Variants in VPS13B observed in about 807,000 individuals in gnomAD.
VPS13B encodes intermembrane lipid transfer protein VPS13B.
In VPS13B, 285 loss-of-function variants were observed where a neutral mutation model predicts 426.4. The observed-to-expected ratio is 0.67, with a 90% CI of 0.61 to 0.74. The LOEUF (loss-of-function observed/expected upper bound fraction) is 0.74. VPS13B is among the 30% of genes least tolerant of loss of function. The pLI is 0.00. For synonymous variants in VPS13B, 1,676 were observed against 1,676.4 expected (o/e 1.00, Z 0.01); for missense variants, 4,537 against 4,782.6 (o/e 0.95, Z 1.51).
At chr8:99,847,530 G>A (rs1816045668) in intron 54 of VPS13B, among the ~76,000 whole-genome samples, 1 of 152,166 alleles carries the variant, frequency 6.6e-6, no homozygotes, top group Admixed American at 6.5e-5. Flanking sequence ...TAGGCGTGGT[G>A]AGTAGTGAGT....
chr8:99,360,976 TC>T (rs1313719445), intron 19 of VPS13B, among the ~76,000 whole-genome samples: 1 of 152,204 alleles, frequency 6.6e-6, no homozygotes, highest in Non-Finnish European at 1.5e-5. Context: ...TCCGTTCTTT[TC>T]TGTTCTCTTT....
chr8:99,303,120 A>C (rs1820452792), intron 19 of VPS13B, among the ~76,000 whole-genome samples: 1 of 151,896 alleles, frequency 6.6e-6, no homozygotes, highest in Non-Finnish European at 1.5e-5. Flanking sequence ...CTCTACTAAA[A>C]ATACACAAAA....
At position 99,749,089 on chromosome 8, in the gene VPS13B, ATTTATTT is replaced by A. The variant is rs547089869; in HGVS notation, c.7051-17682_7051-17676del. ...TTTGAAATTCCGAGTAGTTAGAAAA[ATTTATTT>A]TTAATTTTTTGGGTACATAGTAGAT... On this transcript the variant is annotated intron_variant, in intron 39 of 61. Transcript: ENST00000357162. 1.7e-3 allele frequency among the ~76,000 whole-genome samples: 261 copies of A among 152,050 alleles called. 1 individual carries two copies. The highest frequency in any genetic ancestry group is 6.1e-3 in the African/African-American group (255 of 41,508).
intron 19 of VPS13B, among the ~76,000 whole-genome samples, chr8:99,306,370 G>A (rs181770633): frequency 2.2e-4 from 33 of 152,050 alleles, no homozygotes; most frequent in African/African-American, 7.7e-4. Flanking sequence ...ATATTTTAGG[G>A]GTATTTGACT....
intron 17 of VPS13B, chr8:99,233,329 T>G: frequency 9.3e-7 from 1 of 1,078,260 alleles, no homozygotes; most frequent in East Asian, 2.4e-5. Context: ...CAGCTTCACT[T>G]CTTCTTTGGG....
At chr8:99,214,282 A>C (rs985435141) in intron 17 of VPS13B, among the ~76,000 whole-genome samples, 3 of 152,216 alleles carry the variant, frequency 2.0e-5, no homozygotes, top group Admixed American at 6.5e-5. Flanking sequence ...TAGTTGCCAC[A>C]AACATATTGT....
At chr8:99,029,964 A>G (rs1842427978) in intron 2 of VPS13B, among the ~76,000 whole-genome samples, 1 of 152,144 alleles carries the variant, frequency 6.6e-6, no homozygotes, top group African/African-American at 2.4e-5. Flanking sequence ...TTTGACTATA[A>G]TGTATCCTGA....
chr8:99,617,325 T>C (rs2133886063), intron 33 of VPS13B, among the ~76,000 whole-genome samples: 1 of 152,230 alleles, frequency 6.6e-6, no homozygotes, highest in African/African-American at 2.4e-5. Context: ...TTTTTTTGTT[T>C]GTTTGTATTT....
chr8:99,433,339 C>T (rs1398158670), intron 22 of VPS13B, among the ~76,000 whole-genome samples: 1 of 152,180 alleles, frequency 6.6e-6, no homozygotes, highest in Non-Finnish European at 1.5e-5. Flanking sequence ...ATTTTGGTTA[C>T]TGTCCTTTTG....
In VPS13B at chr8:99,630,178, A is replaced by T. The variant is rs570869685; in HGVS notation, c.5221-11633A>T. Among the ~76,000 whole-genome samples the T allele has an allele frequency of 1.1e-4, 17 of 152,210 alleles. No individual in the cohort carries two copies. The East Asian group carries it at 1.7e-3, about 16-fold the overall frequency. On this transcript the variant is annotated intron_variant, in intron 33 of 61. Coordinates refer to ENST00000357162, the MANE Select transcript of VPS13B (RefSeq NM_152564.5). ...TCACTGCTTTGAAGACAGGCCTAAA[A>T]TGAGGAGTGCAAGTCTCTTAACCTG...
In VPS13B at chr8:99,530,365, A is replaced by G. The variant is rs556723567; in HGVS notation, c.4745+9355A>G. Among the ~76,000 whole-genome samples, 308 of 152,312 alleles carry G rather than the reference A, an allele frequency of 2.0e-3. 2 individuals are homozygous for G. Among genetic ancestry groups the G allele is most frequent in the Middle Eastern group, 0.014 (4 of 294 alleles). On this transcript the variant is annotated intron_variant, in intron 30 of 61. Coordinates refer to ENST00000357162, the MANE Select transcript of VPS13B (RefSeq NM_152564.5). Reference sequence around the variant, plus strand: ...TGCGGTGGCTGATGCCTGTAATCCCAGCACTTTGGGAGGCCAAGGTGGGCG... The same window carrying G: ...TGCGGTGGCTGATGCCTGTAATCCCGGCACTTTGGGAGGCCAAGGTGGGCG...
At chr8:99,862,831 T>C (rs1029020922) in intron 58 of VPS13B, among the ~76,000 whole-genome samples, 1 of 152,198 alleles carries the variant, frequency 6.6e-6, no homozygotes, top group Non-Finnish European at 1.5e-5. Context: ...GGTAAAATGG[T>C]ACAAGTTCAG....
intron 17 of VPS13B, chr8:99,233,535 G>A: frequency 8.8e-7 from 1 of 1,136,798 alleles, no homozygotes; most frequent in Non-Finnish European, 1.3e-6. Context: ...GGCCAAACTG[G>A]TGATGGGGGT....
chr8:99,315,568 G>A (rs1809596562), intron 19 of VPS13B, among the ~76,000 whole-genome samples: 3 of 149,558 alleles, frequency 2.0e-5, no homozygotes, highest in Admixed American at 2.0e-4. Context: ...TCATTTATGT[G>A]TGTTCTCTTA....
chr8:99,056,572 G>A (rs915656412), intron 3 of VPS13B, among the ~76,000 whole-genome samples: 1 of 152,250 alleles, frequency 6.6e-6, no homozygotes, highest in Non-Finnish European at 1.5e-5. Flanking sequence ...AATAGCAGTG[G>A]TGAAAATGGG....
chr8:99,788,234 T>A (rs1048709803), intron 43 of VPS13B, among the ~76,000 whole-genome samples: 4 of 150,828 alleles, frequency 2.7e-5, no homozygotes, highest in African/African-American at 9.7e-5. Context: ...AAATTAAATT[T>A]AAAAATTTAA....
chr8:99,123,122 CAAAAAAAAAAAAAAA>C, intron 8 of VPS13B, among the ~76,000 whole-genome samples: 1 of 61,434 alleles, frequency 1.6e-5, no homozygotes, highest in Admixed American at 2.3e-4. Flanking sequence ...ACTCTGTCTC[CAAAAAAAAAAAAAAA>C]AAAAAAAAGA....
Position 99,720,404 on chromosome 8 carries a change from A to T in VPS13B, c.6717A>T (p.Gly2239=). ...TTCTTCTACATGAATTACTCAATGG[A>T]TACCTTAATGAGGAGGGAAATTTTG... The part of the protein sequence containing the change: ...CLVLLHELLN[G]YLNEEGNFEV... Residue 2239 remains glycine (G), a synonymous_variant, in exon 38 of 62, where the codon GGA becomes GGT. Transcript: ENST00000357162. The T allele has an allele frequency of 1.9e-6, 3 of 1,613,960 alleles. No individual in the cohort carries two copies. Among genetic ancestry groups the T allele is most frequent in the Non-Finnish European group, 2.5e-6 (3 of 1,179,920 alleles).
At chr8:99,256,694 G>T in intron 17 of VPS13B, among the ~76,000 whole-genome samples, 1 of 151,930 alleles carries the variant, frequency 6.6e-6, no homozygotes, top group African/African-American at 2.4e-5. Flanking sequence ...TATCTTCTTT[G>T]GAGAAATGTC....
Sources: gnomAD v4.1 joint callset for allele counts (sites outside exome capture counted in the v4.1 genomes callset) on GRCh38, gnomAD v4.1.1 for gene constraint, MANE v1.5 for transcripts, NCBI Gene and HGNC (gene_info 2026-07-23, HGNC 2026-07-21) for gene names.